Variants in VAC14 observed in about 807,000 individuals in gnomAD.
VAC14 encodes the protein VAC14 component of PIKFYVE complex, also known as protein VAC14 homolog.
A neutral mutation model predicts 85.3 loss-of-function variants in VAC14; 47 were observed. That is an observed-to-expected ratio of 0.55 (90% CI 0.44 to 0.70). The LOEUF (loss-of-function observed/expected upper bound fraction) is 0.70. Among genes scored for constraint, VAC14 ranks in the 30% least tolerant of loss-of-function variants. The pLI is 0.00. For synonymous variants in VAC14, 447 were observed against 430.5 expected, an observed-to-expected ratio of 1.04 and a Z score of -0.47; for missense variants, 861 against 1,004.3, an observed-to-expected ratio of 0.86 and a Z score of 1.93.
rs753232936 is a variant in VAC14 at position 70,759,647 on chromosome 16, C to CA, written c.1371+2892dup. The stretch of plus-strand genomic sequence containing the variant: ...TGTCAAAAAAACAAACAAACAAAAA[C>CA]AAAAAACCCACAAAAACAACAAAAA... On this transcript the variant is annotated intron_variant, in intron 12 of 18. Transcript: ENST00000261776. Among the ~76,000 whole-genome samples, 15 of 152,086 alleles carry CA rather than the reference C, an allele frequency of 9.9e-5. 2 individuals are homozygous for CA. Among genetic ancestry groups the CA allele is most frequent in the Admixed American group, 2.6e-4 (4 of 15,278 alleles).
intron 18 of VAC14, chr16:70,691,167 C>T: frequency 2.0e-6 from 2 of 985,542 alleles, no homozygotes; most frequent in Non-Finnish European, 2.4e-6. Context: ...ACTTGTTCTA[C>T]CCTGGTTTGA....
In VAC14 at chr16:70,687,869, G is replaced by A. The variant is rs1045955838; in HGVS notation, c.*59C>T. On this transcript the variant is annotated 3_prime_UTR_variant, in exon 19 of 19. Transcript: ENST00000261776. Reference sequence around the variant, plus strand: ...AGGTCCTTGAGCTCCTCGGGAGGGCGTGACGACCCTTAGTGTTTCATGGGA... The same window carrying A: ...AGGTCCTTGAGCTCCTCGGGAGGGCATGACGACCCTTAGTGTTTCATGGGA... The A allele has an allele frequency of 5.0e-6, 7 of 1,395,276 alleles. No individual in the cohort carries two copies. The highest frequency in any genetic ancestry group is 6.6e-6 in the Non-Finnish European group (7 of 1,064,648). The allele number at this position is 1,395,276 out of a possible 1,614,324, so 86.4% of individuals were successfully genotyped here. A position where few individuals can be genotyped will look rare whatever the true frequency, so the allele number is the denominator to read the frequency against.
chr16:70,722,133 T>A (rs1189758640), intron 14 of VAC14, among the ~76,000 whole-genome samples: 1 of 152,250 alleles, frequency 6.6e-6, no homozygotes, highest in African/African-American at 2.4e-5. Context: ...CCCACTCTCC[T>A]GGGACTCACT....
chr16:70,725,414 A>G (rs917137271), intron 14 of VAC14, among the ~76,000 whole-genome samples: 2 of 152,266 alleles, frequency 1.3e-5, no homozygotes, highest in African/African-American at 4.8e-5. Context: ...TTTCCCAATT[A>G]CGGCATGAAA....
Position 70,762,882 on chromosome 16 carries a change from T to G in VAC14, c.1304A>C (p.Lys435Thr). 1 of 1,614,210 alleles carries G rather than the reference T, an allele frequency of 6.2e-7. No individual in the cohort carries two copies. Among genetic ancestry groups the G allele is most frequent in the Non-Finnish European group, 8.5e-7 (1 of 1,180,032 alleles). The change falls in exon 11 of 19, where the codon AAG (lysine) becomes ACG (threonine). Residue 435 changes from lysine to threonine, a missense_variant and splice_region_variant. Lys to Thr is a moderately conservative substitution (Grantham distance 78). Coordinates refer to ENST00000261776, the MANE Select transcript of VAC14 (RefSeq NM_018052.5). This position sits in a 1 kb window ranked among gnomAD's most constrained non-coding sequence, Gnocchi z 4.1. Reference sequence around the variant, plus strand: ...GGCTTGGAGGGGCCCAGGGCTCACCTTCCGAGGAGTTTTGATGTAGAGGTG... The same window carrying G: ...GGCTTGGAGGGGCCCAGGGCTCACCGTCCGAGGAGTTTTGATGTAGAGGTG... ...LYHLYIKTPR[K>T]MFRHTDSLFP...
chr16:70,798,159 G>A (rs1206338161), intron 1 of VAC14, among the ~76,000 whole-genome samples: 1 of 152,120 alleles, frequency 6.6e-6, no homozygotes, highest in Non-Finnish European at 1.5e-5. Context: ...CAGTAAATGG[G>A]AGCTTGAACC....
intron 16 of VAC14, chr16:70,695,891 G>C (rs967971266): frequency 2.9e-6 from 1 of 345,076 alleles, no homozygotes; most frequent in African/African-American, 2.0e-5. Context: ...TTATCACAGC[G>C]CTGCAGCCCG....
At chr16:70,694,981 G>A (rs2053676417) in intron 17 of VAC14, among the ~76,000 whole-genome samples, 1 of 152,244 alleles carries the variant, frequency 6.6e-6, no homozygotes, top group Non-Finnish European at 1.5e-5. Flanking sequence ...CAGCCTTCAA[G>A]GGGGTTCTGC....
At chr16:70,748,422 C>T (rs751052359) in intron 12 of VAC14, among the ~76,000 whole-genome samples, 12 of 152,164 alleles carry the variant, frequency 7.9e-5, no homozygotes, top group Non-Finnish European at 5.9e-5. Flanking sequence ...GGGGGGGAGC[C>T]AGGAGGCTCT....
At chr16:70,733,412 T>C (rs2054652968) in intron 13 of VAC14, among the ~76,000 whole-genome samples, 1 of 152,088 alleles carries the variant, frequency 6.6e-6, no homozygotes, top group Non-Finnish European at 1.5e-5. Flanking sequence ...CCCATTCTGT[T>C]GATTTTTTTT....
chr16:70,754,020 C>T (rs2031622406), intron 12 of VAC14, among the ~76,000 whole-genome samples: 2 of 152,316 alleles, frequency 1.3e-5, no homozygotes, highest in South Asian at 4.1e-4. Context: ...AGCTAGGCAG[C>T]ACCCTCCTGG....
intron 12 of VAC14, among the ~76,000 whole-genome samples, chr16:70,746,322 C>T (rs1315872916): frequency 1.3e-5 from 2 of 152,350 alleles, no homozygotes; most frequent in East Asian, 3.9e-4. Context: ...CTCACAGACT[C>T]CCCTCCTACT....
chr16:70,789,816 C>T (rs1995550), intron 1 of VAC14, among the ~76,000 whole-genome samples: 78,000 of 152,042 alleles, frequency 0.51, 21,000 homozygotes, highest in Admixed American at 0.63. Context: ...TGCCTCCCCA[C>T]GCCTGCCCAG....
intron 14 of VAC14, among the ~76,000 whole-genome samples, chr16:70,704,820 A>G (rs1321028105): frequency 6.6e-6 from 1 of 152,210 alleles, no homozygotes; most frequent in East Asian, 1.9e-4. Flanking sequence ...CCAGGAGGGC[A>G]AAGGACGGAG....
chr16:70,795,350 C>T (rs1001704160), intron 1 of VAC14, among the ~76,000 whole-genome samples: 1 of 151,850 alleles, frequency 6.6e-6, no homozygotes, highest in Non-Finnish European at 1.5e-5. Flanking sequence ...AAAAATTAGC[C>T]GGGCGTTGTG....
intron 1 of VAC14, among the ~76,000 whole-genome samples, chr16:70,795,871 C>T (rs575712040): frequency 1.3e-5 from 2 of 152,316 alleles, no homozygotes; most frequent in African/African-American, 4.8e-5. Context: ...ATGAGTGGCG[C>T]TGTCTCTCCC....
rs184203833 is a variant in VAC14 at position 70,762,555 on chromosome 16, C to G, written c.1356G>C (p.Ser452=). Residue 452 remains serine (S), a synonymous_variant, in exon 12 of 19, where the codon TCG becomes TCC. Transcript: ENST00000261776. The surrounding 1 kb of genome is among the most constrained non-coding windows in gnomAD (Gnocchi z 4.1). Reference sequence around the variant, plus strand: ...GGTGACCTACCTCATCCGATTCATCCGATAACGTCTGCAGTAGGATGGGAA... The same window carrying G: ...GGTGACCTACCTCATCCGATTCATCGGATAACGTCTGCAGTAGGATGGGAA... The part of the protein sequence containing the change: ...SLFPILLQTL[S]DESDEVILKD... 1.9e-6 allele frequency: 3 copies of G among 1,614,146 alleles called. No homozygotes were observed. Among genetic ancestry groups the G allele is most frequent in the Non-Finnish European group, 2.5e-6 (3 of 1,179,992 alleles).
At chr16:70,702,031 A>G (rs1356513163) in intron 14 of VAC14, among the ~76,000 whole-genome samples, 2 of 152,142 alleles carry the variant, frequency 1.3e-5, no homozygotes, top group African/African-American at 4.8e-5. Flanking sequence ...CTTCTAAGAG[A>G]AAGTTCTAGT....
At chr16:70,720,940 C>T (rs76164515) in intron 14 of VAC14, among the ~76,000 whole-genome samples, 7,175 of 150,460 alleles carry the variant, frequency 0.048, 364 homozygotes, top group African/African-American at 0.13. Context: ...GGTGGAGGAC[C>T]AGAAAAAATG....
Sources: gnomAD v4.1 joint callset for allele counts (sites outside exome capture counted in the v4.1 genomes callset) on GRCh38, gnomAD v4.1.1 for gene constraint, Gnocchi (gnomAD v3.1) non-coding constraint, MANE v1.5 for transcripts, NCBI Gene and HGNC (gene_info 2026-07-23, HGNC 2026-07-21) for gene names.